The following FHL1 variants were observed in gnomAD, a reference collection of about 807,000 sequenced individuals.
The protein encoded by FHL1 is four and a half LIM domains protein 1.
A neutral mutation model predicts 20.3 loss-of-function variants in FHL1; 1 was observed. That is an observed-to-expected ratio of 0.05 (90% CI 0.02 to 0.23). FHL1 has a LOEUF of 0.23. Among genes scored for constraint, FHL1 ranks in the 10% least tolerant of loss-of-function variants. The pLI is 1.00. For missense variants in FHL1, 177 were observed against 234.0 expected (o/e 0.76, Z 1.59); for synonymous variants, 82 against 88.9 (o/e 0.92, Z 0.44).
chrX:136,153,288 G>GC lies in FHL1; in HGVS notation c.-101+5660_-101+5661insC, dbSNP rs1352056405. Among the ~76,000 whole-genome samples the GC allele has an allele frequency of 3.1e-3, 324 of 103,102 alleles. 5 individuals are homozygous for GC. Among genetic ancestry groups the GC allele is most frequent in the African/African-American group, 0.01 (302 of 28,907 alleles). 89.5% of individuals were successfully genotyped at this position (103,102 alleles called of 115,157 possible). Reference sequence around the variant, plus strand: ...AAAGCATTTTTTTGCGGGAGGTGGGGGGGGGCAGGAAAAGGACCACATGTT... The same window carrying GC: ...AAAGCATTTTTTTGCGGGAGGTGGGGCGGGGGCAGGAAAAGGACCACATGTT... On this transcript the variant is annotated intron_variant, in intron 1 of 7. Coordinates refer to the FHL1 transcript ENST00000394155.
At chrX:136,186,474 G>C (rs1019813955) in intron 2 of FHL1, among the ~76,000 whole-genome samples, 2 of 110,876 alleles carry the variant, frequency 1.8e-5, no homozygotes, top group Non-Finnish European at 3.8e-5. Context: ...CATTCCTTTA[G>C]TGCTGCTGAT....
chrX:136,197,133 A>C lies in FHL1; in HGVS notation c.21A>C (p.Ser7=). 2.5e-6 allele frequency: 3 copies of C among 1,207,916 alleles called. No homozygotes were observed. Among genetic ancestry groups the C allele is most frequent in the Non-Finnish European group, 3.4e-6 (3 of 892,407 alleles). The change falls in exon 1 of 6, where the codon TCA becomes TCC. Residue 7 remains serine (S), a splice_region_variant and synonymous_variant. Transcript: ENST00000370683. The part of the protein sequence containing the change: MASHRH[S]GPSSYKVGTM... ...GAGCCATGGCTTCCCATAGACACTC[A>C]GGTAAAACTTCATGCTCTTTATCTT...
chrX:136,150,218 A>T (rs1265360570), intron 1 of FHL1, among the ~76,000 whole-genome samples: 1 of 112,221 alleles, frequency 8.9e-6, no homozygotes, highest in Admixed American at 9.5e-5. Flanking sequence ...AAAATTTGTA[A>T]ATCACGTTTT....
At chrX:136,150,318 G>A (rs960520644) in intron 1 of FHL1, among the ~76,000 whole-genome samples, 1 of 111,886 alleles carries the variant, frequency 8.9e-6, no homozygotes, top group African/African-American at 3.3e-5. Flanking sequence ...ACTGAACCCT[G>A]TTTTCCCACT....
intron 2 of FHL1, among the ~76,000 whole-genome samples, chrX:136,170,214 C>T (rs188689984): frequency 9.0e-6 from 1 of 111,631 alleles, no homozygotes; most frequent in East Asian, 2.8e-4. Flanking sequence ...AGGGAATTTG[C>T]CAGGCACAAC....
intron 2 of FHL1, among the ~76,000 whole-genome samples, chrX:136,183,108 AC>A (rs1266079117): frequency 8.9e-5 from 9 of 100,641 alleles, no homozygotes; most frequent in African/African-American, 2.7e-4. Flanking sequence ...AAAAAAAAAA[AC>A]AAAAAACAAA....
intron 1 of FHL1, among the ~76,000 whole-genome samples, chrX:136,153,703 A>G (rs1290139663): frequency 8.9e-6 from 1 of 112,385 alleles, no homozygotes; most frequent in Admixed American, 9.4e-5. Context: ...GAAAACCAAA[A>G]TCAGTCATAA....
At chrX:136,153,003 C>G (rs2072311325) in intron 1 of FHL1, among the ~76,000 whole-genome samples, 1 of 111,817 alleles carries the variant, frequency 8.9e-6, no homozygotes, top group Non-Finnish European at 1.9e-5. Flanking sequence ...GCTCACCTTC[C>G]ACCTTTCTTA....
At chrX:136,147,952 T>G (rs1185511514) in intron 1 of FHL1, 2 of 79,460 alleles carry the variant, frequency 2.5e-5, no homozygotes, top group African/African-American at 9.5e-5. Flanking sequence ...GTGGGGGGGA[T>G]CGGGAGTGAA....
chrX:136,183,649 A>C (rs1483218373), intron 2 of FHL1, among the ~76,000 whole-genome samples: 1 of 112,487 alleles, frequency 8.9e-6, no homozygotes, highest in Non-Finnish European at 1.9e-5. Flanking sequence ...TCATACATGC[A>C]GTACCACCCT....
At chrX:136,179,697 A>C (rs767588763) in intron 2 of FHL1, among the ~76,000 whole-genome samples, 1 of 112,188 alleles carries the variant, frequency 8.9e-6, no homozygotes, top group African/African-American at 3.2e-5. Context: ...TTACCGTGGT[A>C]TTACACAGGA....
chrX:136,207,182 T>C lies in FHL1; in HGVS notation c.371T>C (p.Ile124Thr), dbSNP rs780999953. The C allele has an allele frequency of 4.2e-6, 5 of 1,203,579 alleles. No individual in the cohort carries two copies. The highest frequency in any genetic ancestry group is 5.6e-6 in the Non-Finnish European group (5 of 889,734). The change falls in exon 3 of 6, where the codon ATT becomes ACT. Residue 124 changes from isoleucine to threonine, a missense_variant. Ile to Thr is a moderately conservative substitution (Grantham distance 89). Transcript: ENST00000370683. ...AAGTGCAAGGGGTGCTTCAAGGCCA[T>C]TGTGGCAGGTACTGCCTCCTTCCCA... ...SPKCKGCFKA[I>T]VAGDQNVEYK...
intron 1 of FHL1, among the ~76,000 whole-genome samples, chrX:136,198,244 G>C (rs2073612001): frequency 9.0e-6 from 1 of 110,622 alleles, no homozygotes; most frequent in Non-Finnish European, 1.9e-5. Context: ...TTCTCTGGGT[G>C]TAGGCAAACT....
upstream of FHL1, among the ~76,000 whole-genome samples, chrX:136,193,866 T>C (rs1358863845): frequency 9.1e-6 from 1 of 110,283 alleles, no homozygotes; most frequent in Non-Finnish European, 1.9e-5. Context: ...CTTGCACCAG[T>C]TGCAGAAAGA....
At chrX:136,182,730 C>T (rs900073211) in intron 2 of FHL1, 9 of 112,327 alleles carry the variant, frequency 8.0e-5, no homozygotes, top group African/African-American at 2.3e-4. Context: ...TCAGTTCCAG[C>T]TGCTGTTGCT....
upstream of FHL1, among the ~76,000 whole-genome samples, chrX:136,196,406 TGA>T (rs2073555932): frequency 9.0e-6 from 1 of 111,547 alleles, no homozygotes; most frequent in Non-Finnish European, 1.9e-5. Flanking sequence ...AACAAGAGGT[TGA>T]GTTTGTGAGA....
intron 2 of FHL1, among the ~76,000 whole-genome samples, chrX:136,183,463 A>C (rs1009224564): frequency 8.9e-6 from 1 of 111,754 alleles, no homozygotes; most frequent in African/African-American, 3.3e-5. Context: ...CACCCATAAT[A>C]AAACTGACTT....
upstream of FHL1, among the ~76,000 whole-genome samples, chrX:136,194,326 G>C (rs1217620085): frequency 8.9e-6 from 1 of 112,239 alleles, no homozygotes; most frequent in Non-Finnish European, 1.9e-5. Flanking sequence ...TCCAATAAAT[G>C]CTTGTCATAT....
In FHL1 at chrX:136,180,802, C is replaced by T. The variant is rs868035569; in HGVS notation, c.-27+10822C>T. Among the ~76,000 whole-genome samples the T allele has an allele frequency of 3.6e-3, 397 of 109,757 alleles. 2 individuals carry two copies. Among genetic ancestry groups the T allele is most frequent in the African/African-American group, 0.012 (368 of 30,273 alleles). On this transcript the variant is annotated intron_variant, in intron 2 of 6. Transcript: ENST00000394153. The stretch of plus-strand genomic sequence containing the variant: ...TCTCGCCCAGGCTGGAGTGCAAAGG[C>T]GTGATCTCGGCTCACTGCAACCTCT...
Sources: allele counts gnomAD v4.1 joint callset (sites outside exome capture counted in the v4.1 genomes callset), GRCh38; gene constraint gnomAD v4.1.1; transcripts MANE v1.5; gene names NCBI Gene and HGNC (gene_info 2026-07-23, HGNC 2026-07-21).